The following CRB1 variants were observed in gnomAD, a reference collection of about 807,000 sequenced individuals.
The protein encoded by CRB1 is crumbs cell polarity complex component 1, also known as protein crumbs homolog 1.
In CRB1, 83 loss-of-function variants were observed where a neutral mutation model predicts 120.0. The ratio of observed to expected loss-of-function variants is 0.69; its 90% CI spans 0.58 to 0.83. The LOEUF (loss-of-function observed/expected upper bound fraction) is 0.83, where lower values mean the gene tolerates loss of function less well. CRB1 is among the 40% of genes least tolerant of loss of function. CRB1 has a pLI of 0.00. For missense variants in CRB1, 1,699 were observed against 1,687.6 expected (o/e 1.01, Z -0.12); for synonymous variants, 625 against 612.5 (o/e 1.02, Z -0.30).
At chr1:197,247,539 C>A in the CRB1 span, among the ~76,000 whole-genome samples, 22 of 152,170 alleles carry the variant, frequency 1.4e-4, no homozygotes, top group East Asian at 4.1e-3. Context: ...TGATTAGAAG[C>A]TTCATTAGTA....
chr1:197,420,925 T>A, intron 5 of CRB1, 75 bp from the exon 6 acceptor site: 5 of 989,364 alleles, frequency 5.1e-6, no homozygotes, highest in Non-Finnish European at 8.1e-6. Flanking sequence ...TGCAAGATTA[T>A]ACAAGTAAAT....
At chr1:197,387,272 T>C (rs1205866152) in intron 5 of CRB1, among the ~76,000 whole-genome samples, 1 of 152,040 alleles carries the variant, frequency 6.6e-6, no homozygotes, top group Non-Finnish European at 1.5e-5. Flanking sequence ...TTTTGGCAAA[T>C]GTAGCTCAAT....
In CRB1 at chr1:197,385,344, G is replaced by A. The variant is rs540441382; in HGVS notation, c.1171+28331G>A. ...AGAACAATGTAAATAGACAAATGAG[G>A]CATTTCTTGAAGCTGCTTTTTGGTA... On this transcript the variant is annotated intron_variant, in intron 5 of 11. Transcript: ENST00000367400. Among the ~76,000 whole-genome samples, 11 of 152,180 alleles carry A rather than the reference G, an allele frequency of 7.2e-5. No homozygotes were observed. The South Asian group carries it at 1.2e-3, about 17-fold the overall frequency.
chr1:197,324,135 A>G (rs1017262451), intron 1 of CRB1, among the ~76,000 whole-genome samples: 2 of 152,202 alleles, frequency 1.3e-5, no homozygotes, highest in African/African-American at 2.4e-5. Context: ...GGAGTAAGAA[A>G]GTCGTGTTTC....
the CRB1 span, among the ~76,000 whole-genome samples, chr1:197,219,991 T>C: frequency 6.6e-6 from 1 of 152,218 alleles, no homozygotes; most frequent in East Asian, 1.9e-4. Flanking sequence ...CCCAGTCACA[T>C]GTTTTCCTGA....
the CRB1 span, among the ~76,000 whole-genome samples, chr1:197,210,693 A>G: frequency 5.3e-5 from 8 of 152,062 alleles, no homozygotes; most frequent in Non-Finnish European, 1.2e-4. Context: ...CTTGAAAACA[A>G]TGTCATATGA....
chr1:197,216,468 C>G, the CRB1 span, among the ~76,000 whole-genome samples: 2 of 152,054 alleles, frequency 1.3e-5, no homozygotes, highest in Non-Finnish European at 2.9e-5. Context: ...TAGTAAGAAG[C>G]CAGAAGTATA....
chr1:197,261,012 A>G, the CRB1 span, among the ~76,000 whole-genome samples: 1 of 152,174 alleles, frequency 6.6e-6, no homozygotes, highest in African/African-American at 2.4e-5. Flanking sequence ...AAAAATTTTT[A>G]AAGAGTTAAT....
intron 2 of CRB1, among the ~76,000 whole-genome samples, chr1:197,340,792 A>T (rs1039188656): frequency 2.6e-5 from 4 of 152,118 alleles, no homozygotes; most frequent in African/African-American, 9.7e-5. Flanking sequence ...GGGGAGATGA[A>T]GGTTATCATT....
Position 197,434,905 on chromosome 1 carries a change from T to C in CRB1, c.3042T>C (p.Ser1014=), listed in dbSNP as rs374426440. 3.4e-5 allele frequency: 55 copies of C among 1,613,780 alleles called. No homozygotes were observed. The highest frequency in any genetic ancestry group is 4.5e-5 in the Non-Finnish European group (53 of 1,179,874). The change falls in exon 9 of 12, where the codon AGT becomes AGC. Residue 1014 remains serine (S), a synonymous_variant. Coordinates refer to ENST00000367400, the MANE Select transcript of CRB1 (RefSeq NM_201253.3). The part of the protein sequence containing the change: ...QDSRLFFQLQ[S]GNSFYMLSLT... ...CCAGATTATTCTTTCAATTGCAAAG[T>C]GGCAACAGCTTTTATATGCTAAGTC...
intron 10 of CRB1, 82 bp from the exon 11 acceptor site, chr1:197,442,084 A>G (rs1665471749): frequency 1.9e-6 from 3 of 1,568,198 alleles, no homozygotes. Context: ...TTCCAGAGAG[A>G]TAAGGCAAAC....
the CRB1 span, among the ~76,000 whole-genome samples, chr1:197,211,306 G>A: frequency 9.2e-5 from 14 of 152,116 alleles, no homozygotes; most frequent in East Asian, 5.8e-4. Flanking sequence ...ACAGACTTCC[G>A]AGAAATTAAA....
the CRB1 span, among the ~76,000 whole-genome samples, chr1:197,216,676 A>C: frequency 1.3e-5 from 2 of 152,184 alleles, no homozygotes; most frequent in Non-Finnish European, 2.9e-5. Flanking sequence ...AATTTTATAA[A>C]ACTAGTACTC....
chr1:197,406,147 G>A (rs1367012403), intron 5 of CRB1, among the ~76,000 whole-genome samples: 1 of 152,242 alleles, frequency 6.6e-6, no homozygotes, highest in Non-Finnish European at 1.5e-5. Flanking sequence ...GAGAAAGGTG[G>A]GGAAAAGATT....
chr1:197,337,116 T>C (rs1219757261), intron 2 of CRB1, among the ~76,000 whole-genome samples: 3 of 152,164 alleles, frequency 2.0e-5, no homozygotes, highest in African/African-American at 7.2e-5. Context: ...AATTTGGTCA[T>C]TGCGGGGAAG....
At chr1:197,403,869 T>C (rs1663194349) in intron 5 of CRB1, among the ~76,000 whole-genome samples, 1 of 152,172 alleles carries the variant, frequency 6.6e-6, no homozygotes, top group African/African-American at 2.4e-5. Context: ...AAAATAAATC[T>C]GTGAGCTGTC....
At chr1:197,233,420 CCA>C in the CRB1 span, among the ~76,000 whole-genome samples, 1 of 152,154 alleles carries the variant, frequency 6.6e-6, no homozygotes, top group African/African-American at 2.4e-5. Context: ...GTGGCACTAA[CCA>C]CAGTTCTCTA....
At chr1:197,402,669 C>T (rs1419045009) in intron 5 of CRB1, among the ~76,000 whole-genome samples, 3 of 152,130 alleles carry the variant, frequency 2.0e-5, no homozygotes, top group African/African-American at 7.2e-5. Flanking sequence ...GTCCCTTTAT[C>T]TCTGGGATAG....
chr1:197,281,964 T>G (rs1402434554), intron 1 of CRB1, among the ~76,000 whole-genome samples: 3 of 150,948 alleles, frequency 2.0e-5, no homozygotes, highest in Admixed American at 2.0e-4. Flanking sequence ...AAGAGTATAA[T>G]AAAAAAAATT....
Sources: gnomAD v4.1 joint callset for allele counts (sites outside exome capture counted in the v4.1 genomes callset) on GRCh38, gnomAD v4.1.1 for gene constraint, MANE v1.5 for transcripts, NCBI Gene and HGNC (gene_info 2026-07-23, HGNC 2026-07-21) for gene names.